MLIP: variants seen among roughly 807,000 people sequenced by gnomAD.
The protein encoded by MLIP is muscular LMNA-interacting protein.
Under a neutral mutation model 84.8 loss-of-function variants are expected in MLIP, and 79 were observed. That is an observed-to-expected ratio of 0.93 (90% CI 0.78 to 1.12). The LOEUF (loss-of-function observed/expected upper bound fraction) is 1.12. Ranked by LOEUF, MLIP falls within the 50% of genes most tolerant of loss-of-function variation. The pLI, the probability that MLIP is intolerant of heterozygous loss-of-function variation, is 0.00. For synonymous variants in MLIP, 504 were observed against 463.0 expected (o/e 1.09, Z -1.14); for missense variants, 1,257 against 1,160.6 (o/e 1.08, Z -1.21).
rs1331609088 is a variant in MLIP, at chr6:54,266,203, T to C, written c.*248T>C. 2 of 496,144 alleles carry C rather than the reference T, an allele frequency of 4.0e-6. No individual in the cohort carries two copies. The highest frequency in any genetic ancestry group is 6.4e-5 in the East Asian group (2 of 31,082). 30.7% of individuals were successfully genotyped at this position (496,144 alleles called of 1,614,324 possible). Reference sequence around the variant, plus strand: ...TGTTCTAGCCTTTAATGCCTTCTACTTAATATTAAGCTGACCGCAATACTA... The same window carrying C: ...TGTTCTAGCCTTTAATGCCTTCTACCTAATATTAAGCTGACCGCAATACTA... On this transcript the variant is annotated 3_prime_UTR_variant, in exon 14 of 14. Coordinates refer to ENST00000502396, the MANE Select transcript of MLIP (RefSeq NM_001281747.2).
chr6:54,077,964 T>C (rs549049956), intron 1 of MLIP, among the ~76,000 whole-genome samples: 10 of 152,338 alleles, frequency 6.6e-5, no homozygotes, highest in African/African-American at 2.4e-4. Flanking sequence ...ATCTAGATAC[T>C]ACTTTGCTAT....
intron 1 of MLIP, among the ~76,000 whole-genome samples, chr6:54,073,537 G>A (rs1405864461): frequency 1.3e-5 from 2 of 152,154 alleles, no homozygotes; most frequent in Non-Finnish European, 2.9e-5. Flanking sequence ...GATCACCCAA[G>A]TTTATGGATT....
intron 1 of MLIP, among the ~76,000 whole-genome samples, chr6:54,118,654 A>C (rs2150425247): frequency 6.6e-6 from 1 of 152,342 alleles, no homozygotes; most frequent in African/African-American, 2.4e-5. Context: ...AAAAAGCAAA[A>C]ATTGATAAAT....
intron 1 of MLIP, among the ~76,000 whole-genome samples, chr6:54,037,727 A>C (rs2150295474): frequency 6.6e-6 from 1 of 152,090 alleles, no homozygotes; most frequent in Non-Finnish European, 1.5e-5. Flanking sequence ...ATTATTCTAG[A>C]AAAGAGATAC....
intron 1 of MLIP, among the ~76,000 whole-genome samples, chr6:54,054,314 CTG>C (rs1191476983): frequency 6.6e-6 from 1 of 151,480 alleles, no homozygotes; most frequent in Non-Finnish European, 1.5e-5. Context: ...ATGGAAGACA[CTG>C]TATGAACTTG....
At chr6:54,148,062 A>G (rs1205479808) in intron 4 of MLIP, among the ~76,000 whole-genome samples, 1 of 152,170 alleles carries the variant, frequency 6.6e-6, no homozygotes, top group African/African-American at 2.4e-5. Flanking sequence ...CTTCAATTAC[A>G]TCTATAAAAC....
intron 10 of MLIP, among the ~76,000 whole-genome samples, chr6:54,197,758 C>T (rs1403304317): frequency 6.6e-6 from 1 of 152,022 alleles, no homozygotes; most frequent in Non-Finnish European, 1.5e-5. Flanking sequence ...AAAGAAGGGC[C>T]TCTTAAGGCT....
chr6:54,039,380 G>A lies in MLIP; in HGVS notation c.63+20289G>A, dbSNP rs555487800. 7.2e-5 allele frequency among the ~76,000 whole-genome samples: 11 copies of A among 151,984 alleles called. No homozygotes were observed. The East Asian group carries it at 9.7e-4, about 13-fold the overall frequency. ...AGGAATAAGTATGTTGGATTAAAAT[G>A]GGTGAATGCTACTGAAATGTATTAA... On this transcript the variant is annotated intron_variant, in intron 1 of 12. Transcript: ENST00000274897.
At chr6:54,019,202 G>A in intron 1 of MLIP, 1 of 1,078,302 alleles carries the variant, frequency 9.3e-7, no homozygotes, top group Non-Finnish European at 1.4e-6. Flanking sequence ...TCCATGTTTT[G>A]CTGGTCAATA....
At chr6:54,227,719 A>G (rs556150834) in intron 11 of MLIP, among the ~76,000 whole-genome samples, 18 of 152,320 alleles carry the variant, frequency 1.2e-4, no homozygotes, top group African/African-American at 4.3e-4. Flanking sequence ...TTATTTTCCA[A>G]CCTGGAATTT....
intron 1 of MLIP, among the ~76,000 whole-genome samples, chr6:54,080,771 C>G (rs1443867525): frequency 1.3e-5 from 2 of 148,618 alleles, no homozygotes; most frequent in African/African-American, 4.9e-5. Flanking sequence ...TATTATATAT[C>G]TGTGTCTACA....
At chr6:54,023,416 A>C (rs940940793) in intron 1 of MLIP, among the ~76,000 whole-genome samples, 2 of 151,948 alleles carry the variant, frequency 1.3e-5, no homozygotes, top group East Asian at 3.9e-4. Flanking sequence ...AAATAATTTA[A>C]ATTTTACTTT....
chr6:54,118,074 T>G (rs570302598), intron 1 of MLIP, among the ~76,000 whole-genome samples: 2 of 152,196 alleles, frequency 1.3e-5, no homozygotes. Context: ...GAAGAATAAG[T>G]GTTGTTAAAA....
intron 11 of MLIP, among the ~76,000 whole-genome samples, chr6:54,227,804 A>C (rs1780681810): frequency 6.6e-6 from 1 of 152,208 alleles, no homozygotes; most frequent in Non-Finnish European, 1.5e-5. Context: ...ATTGGCTTCC[A>C]TATACTTCAT....
intron 10 of MLIP, among the ~76,000 whole-genome samples, chr6:54,197,183 G>A (rs1198318290): frequency 1.3e-5 from 2 of 152,036 alleles, no homozygotes; most frequent in Non-Finnish European, 2.9e-5. Context: ...CACTACCAGG[G>A]CTTTGAACTT....
intron 10 of MLIP, among the ~76,000 whole-genome samples, chr6:54,191,656 G>A (rs1377751890): frequency 6.6e-6 from 1 of 152,130 alleles, no homozygotes; most frequent in African/African-American, 2.4e-5. Flanking sequence ...AGCCCTTCCA[G>A]GGCTGTGAAT....
In MLIP at chr6:54,140,065, T is replaced by C. The variant is rs572832209; in HGVS notation, c.2217+1779T>C. Among the ~76,000 whole-genome samples the C allele has an allele frequency of 2.0e-5, 3 of 152,292 alleles. No individual in the cohort carries two copies. In the East Asian group the frequency reaches 5.8e-4, roughly 29 times the overall value. ...CTGTTTATTATATTTTAAATACATA[T>C]ATGTGATTATAAAATTTATTTGTAG... On this transcript the variant is annotated intron_variant, in intron 4 of 13. Transcript: ENST00000502396.
upstream of MLIP, among the ~76,000 whole-genome samples, chr6:54,109,572 A>T (rs575047695): frequency 5.9e-5 from 9 of 152,042 alleles, no homozygotes; most frequent in African/African-American, 2.2e-4. Context: ...TCTTTGCTTG[A>T]AATACTTGCT....
chr6:54,191,311 T>C (rs1339814185), intron 10 of MLIP, among the ~76,000 whole-genome samples: 1 of 152,208 alleles, frequency 6.6e-6, no homozygotes, highest in Non-Finnish European at 1.5e-5. Flanking sequence ...ATATATTTAT[T>C]TGTAATACTG....
Sources: gnomAD v4.1 joint callset for allele counts (sites outside exome capture counted in the v4.1 genomes callset) on GRCh38, gnomAD v4.1.1 for gene constraint, MANE v1.5 for transcripts, NCBI Gene and HGNC (gene_info 2026-07-23, HGNC 2026-07-21) for gene names.